HS6ST3: variants seen among roughly 807,000 people sequenced by gnomAD.
HS6ST3 encodes heparan-sulfate 6-O-sulfotransferase 3.
Under a neutral mutation model 36.7 loss-of-function variants are expected in HS6ST3, and 12 were observed. The ratio of observed to expected loss-of-function variants is 0.33; its 90% confidence interval spans 0.21 to 0.53. The LOEUF (loss-of-function observed/expected upper bound fraction) is 0.53. Among genes scored for constraint, HS6ST3 ranks in the 20% least tolerant of loss-of-function variants. The pLI, the probability that HS6ST3 is intolerant of heterozygous loss-of-function variation, is 0.95. For missense variants in HS6ST3, 584 were observed against 640.9 expected, an observed-to-expected ratio of 0.91 and a Z score of 0.96; for synonymous variants, 240 against 257.5, an observed-to-expected ratio of 0.93 and a Z score of 0.65.
intron 1 of HS6ST3, among the ~76,000 whole-genome samples, chr13:96,600,342 A>G (rs976076847): frequency 2.0e-5 from 3 of 151,468 alleles, no homozygotes; most frequent in African/African-American, 4.9e-5. Flanking sequence ...ACACACACAC[A>G]CACACACACA....
chr13:96,134,661 C>T (rs1211182655), intron 1 of HS6ST3, among the ~76,000 whole-genome samples: 1 of 152,086 alleles, frequency 6.6e-6, no homozygotes, highest in Non-Finnish European at 1.5e-5. Flanking sequence ...GACACACAAG[C>T]ATTTTGTTGG....
chr13:96,154,514 T>A (rs925123251), intron 1 of HS6ST3, among the ~76,000 whole-genome samples: 2 of 152,150 alleles, frequency 1.3e-5, no homozygotes, highest in Non-Finnish European at 2.9e-5. Flanking sequence ...TAGTGTAACA[T>A]CAGTAAAATG....
chr13:96,658,265 CTTCTTTTTT>C (rs1566422893), intron 1 of HS6ST3, among the ~76,000 whole-genome samples: 5 of 67,288 alleles, frequency 7.4e-5, no homozygotes, highest in Non-Finnish European at 1.4e-4. Context: ...TTCTCTTCTT[CTTCTTTTTT>C]TTTTTTTTTT....
chr13:96,194,787 C>G (rs910450896), intron 1 of HS6ST3, among the ~76,000 whole-genome samples: 2 of 151,788 alleles, frequency 1.3e-5, no homozygotes, highest in Admixed American at 6.6e-5. Flanking sequence ...CACCCCCAAG[C>G]CTCTGGCAAC....
chr13:96,131,445 G>A (rs988178322), intron 1 of HS6ST3, among the ~76,000 whole-genome samples: 1 of 152,032 alleles, frequency 6.6e-6, no homozygotes, highest in African/African-American at 2.4e-5. Flanking sequence ...TGACACAATT[G>A]TATGTATTTA....
At chr13:96,106,945 G>A (rs952551425) in intron 1 of HS6ST3, among the ~76,000 whole-genome samples, 1 of 152,250 alleles carries the variant, frequency 6.6e-6, no homozygotes, top group African/African-American at 2.4e-5. Context: ...AATCAGTCCA[G>A]TTAGAATGGT....
intron 1 of HS6ST3, among the ~76,000 whole-genome samples, chr13:96,186,122 A>AT (rs1221964644): frequency 6.6e-6 from 1 of 151,966 alleles, no homozygotes; most frequent in Non-Finnish European, 1.5e-5. Context: ...CATATATATA[A>AT]TTTTTTTTCC....
chr13:96,601,368 G>T (rs2056421063), intron 1 of HS6ST3, among the ~76,000 whole-genome samples: 1 of 151,856 alleles, frequency 6.6e-6, no homozygotes, highest in Admixed American at 6.6e-5. Context: ...TAATTTGTAA[G>T]TTTTGTCTTT....
intron 1 of HS6ST3, among the ~76,000 whole-genome samples, chr13:96,283,544 C>A (rs1219802093): frequency 6.6e-6 from 1 of 152,112 alleles, no homozygotes; most frequent in Non-Finnish European, 1.5e-5. Flanking sequence ...TCTCTGTGCA[C>A]CCCTACCCCT....
At chr13:96,556,318 A>G (rs1204042308) in intron 1 of HS6ST3, among the ~76,000 whole-genome samples, 1 of 152,248 alleles carries the variant, frequency 6.6e-6, no homozygotes, top group Non-Finnish European at 1.5e-5. Context: ...TTAAAAGAAG[A>G]AACCCCGCTG....
At chr13:96,758,761 A>T (rs901325441) in intron 1 of HS6ST3, among the ~76,000 whole-genome samples, 2 of 151,854 alleles carry the variant, frequency 1.3e-5, no homozygotes, top group African/African-American at 2.4e-5. Context: ...ATTTATTGAG[A>T]CTTATGATAC....
chr13:96,439,742 CG>C (rs1566361549), intron 1 of HS6ST3, among the ~76,000 whole-genome samples: 1 of 151,980 alleles, frequency 6.6e-6, no homozygotes, highest in Admixed American at 6.6e-5. Context: ...TTAGTGCTAA[CG>C]CAGTACATGT....
chr13:96,720,272 T>TA (rs1416616456), intron 1 of HS6ST3, among the ~76,000 whole-genome samples: 2 of 152,232 alleles, frequency 1.3e-5, no homozygotes, highest in African/African-American at 4.8e-5. Context: ...TACAAGACCA[T>TA]GACCATCTTC....
chr13:96,657,601 A>T (rs571515210), intron 1 of HS6ST3, among the ~76,000 whole-genome samples: 1 of 152,180 alleles, frequency 6.6e-6, no homozygotes, highest in Non-Finnish European at 1.5e-5. Context: ...TTAGGTTTCA[A>T]ATGCTTTGCT....
intron 1 of HS6ST3, among the ~76,000 whole-genome samples, chr13:96,381,420 A>ATCTG (rs2055340940): frequency 6.6e-6 from 1 of 151,710 alleles, no homozygotes; most frequent in African/African-American, 2.4e-5. Context: ...GTATCTATCT[A>ATCTG]TCTATCTATC....
At chr13:96,331,628 C>G (rs974429016) in intron 1 of HS6ST3, among the ~76,000 whole-genome samples, 58 of 152,274 alleles carry the variant, frequency 3.8e-4, no homozygotes, top group African/African-American at 1.4e-3. Context: ...TTACTGCTGT[C>G]TTTTTGTTTT....
At position 96,572,658 on chromosome 13, in the gene HS6ST3, G is replaced by A. The variant is rs533867321; in HGVS notation, c.708-259832G>A. Among the ~76,000 whole-genome samples the A allele has an allele frequency of 1.0e-4, 15 of 149,316 alleles. No homozygotes were observed. In the East Asian group the frequency reaches 2.5e-3, roughly 25 times the overall value. ...CCTTACTTCATACTCCATTCCTCCC[G>A]AATATTCTGAATCAATAAATCTTTA... On this transcript the variant is annotated intron_variant, in intron 1 of 1. Coordinates refer to ENST00000376705, the MANE Select transcript of HS6ST3 (RefSeq NM_153456.4).
At chr13:96,181,138 A>T (rs1288752159) in intron 1 of HS6ST3, among the ~76,000 whole-genome samples, 1 of 152,206 alleles carries the variant, frequency 6.6e-6, no homozygotes, top group African/African-American at 2.4e-5. Context: ...ACTTTATCTT[A>T]TTACATAAGT....
At chr13:96,583,001 T>G (rs2056347227) in intron 1 of HS6ST3, among the ~76,000 whole-genome samples, 1 of 152,070 alleles carries the variant, frequency 6.6e-6, no homozygotes, top group Non-Finnish European at 1.5e-5. Flanking sequence ...ATGTTTTATC[T>G]GGCCACTCCA....
Sources: allele counts gnomAD v4.1 joint callset (sites outside exome capture counted in the v4.1 genomes callset), GRCh38; gene constraint gnomAD v4.1.1; transcripts MANE v1.5; gene names NCBI Gene and HGNC (gene_info 2026-07-23, HGNC 2026-07-21).